Variants in STPG2 observed in about 807,000 individuals in gnomAD.
STPG2 encodes the protein sperm-tail PG-rich repeat-containing protein 2.
Under a neutral mutation model 54.2 loss-of-function variants are expected in STPG2, and 56 were observed. That is an observed-to-expected ratio of 1.03 (90% CI 0.83 to 1.29). The LOEUF is 1.29. STPG2 is among the 50% of genes most tolerant of loss of function. The pLI is 0.00. For missense variants in STPG2, 596 were observed against 544.9 expected, an observed-to-expected ratio of 1.09 and a Z score of -0.93; for synonymous variants, 200 against 181.8, an observed-to-expected ratio of 1.10 and a Z score of -0.81.
At chr4:97,593,655 C>T (rs1326398389) in intron 10 of STPG2, among the ~76,000 whole-genome samples, 1 of 152,168 alleles carries the variant, frequency 6.6e-6, no homozygotes, top group Non-Finnish European at 1.5e-5. Context: ...CCAGCCAATG[C>T]CCCTGTACCC....
At chr4:98,004,970 T>TAAAAAAA (rs70953102) in intron 5 of STPG2, among the ~76,000 whole-genome samples, 10 of 142,486 alleles carry the variant, frequency 7.0e-5, no homozygotes, top group South Asian at 4.5e-4. Context: ...TCTTTGCTGT[T>TAAAAAAA]AAAAAAAAAA....
At chr4:97,798,286 T>C (rs190526626) in intron 9 of STPG2, among the ~76,000 whole-genome samples, 6 of 152,334 alleles carry the variant, frequency 3.9e-5, no homozygotes, top group Admixed American at 3.3e-4. Context: ...GGGTGTCAAT[T>C]TTAGATCTTT....
chr4:97,736,513 G>A (rs1724999193), intron 9 of STPG2, among the ~76,000 whole-genome samples: 2 of 152,154 alleles, frequency 1.3e-5, no homozygotes, highest in South Asian at 4.1e-4. Flanking sequence ...CCCCATTACT[G>A]CGCTTTTCCA....
rs531883486 is a variant in STPG2 at position 97,500,278 on chromosome 4, C to T, written c.462+212421G>A. Among the ~76,000 whole-genome samples, 16 of 151,736 alleles carry T rather than the reference C, an allele frequency of 1.1e-4. No individual in the cohort carries two copies. The East Asian group carries it at 2.1e-3, about 20-fold the overall frequency. ...TCAAGTATGTCTGCAAAATTATACCCGGAAAATAAAAATGTAGCCATTAAT... is the reference window on the plus strand; with the variant it reads ...TCAAGTATGTCTGCAAAATTATACCTGGAAAATAAAAATGTAGCCATTAAT... On this transcript the variant is annotated intron_variant, in intron 4 of 4. Coordinates refer to the STPG2 transcript ENST00000522676.
intron 4 of STPG2, among the ~76,000 whole-genome samples, chr4:97,501,134 A>C (rs1730716599): frequency 6.6e-6 from 1 of 152,092 alleles, no homozygotes; most frequent in South Asian, 2.1e-4. Flanking sequence ...TACGTACAGG[A>C]AAGGTTCATG....
rs1724718559 is a variant in STPG2 at position 97,729,166 on chromosome 4, C to T, written c.1205-16352G>A. ...TAAAATCCTCATCCAATTTCTAAGA[C>T]TCAGGCCCTCATCTAATTTCTGTTG... On this transcript the variant is annotated intron_variant, in intron 9 of 10. Transcript: ENST00000295268. 2.7e-5 allele frequency among the ~76,000 whole-genome samples: 4 copies of T among 150,156 alleles called. No homozygotes were observed. The South Asian group carries it at 8.4e-4, about 32-fold the overall frequency.
intron 4 of STPG2, among the ~76,000 whole-genome samples, chr4:97,548,401 T>C (rs1054011255): frequency 6.6e-6 from 1 of 152,120 alleles, no homozygotes; most frequent in Non-Finnish European, 1.5e-5. Flanking sequence ...TTGCCAATTA[T>C]AGAGTCAGGT....
intron 10 of STPG2, among the ~76,000 whole-genome samples, chr4:97,680,281 T>G (rs1035056241): frequency 3.3e-5 from 5 of 151,840 alleles, no homozygotes; most frequent in African/African-American, 1.2e-4. Context: ...CTTCCATTTG[T>G]TTGTATCCTC....
rs202144818 is a variant in STPG2 at position 97,849,139 on chromosome 4, A to G, written c.1045-8207T>C. On this transcript the variant is annotated intron_variant, in intron 8 of 10. Coordinates refer to ENST00000295268, the MANE Select transcript of STPG2 (RefSeq NM_174952.3). ...GATTCTTCCTACCCATGAGCATGGA[A>G]TGTTCTTCCATTTGTTTGTATCCTC... Among the ~76,000 whole-genome samples, 40 of 149,886 alleles carry G rather than the reference A, an allele frequency of 2.7e-4. No individual in the cohort carries two copies. In the East Asian group the frequency reaches 7.3e-3, roughly 27 times the overall value.
At chr4:98,123,927 C>T (rs1739756888) in intron 3 of STPG2, among the ~76,000 whole-genome samples, 1 of 152,070 alleles carries the variant, frequency 6.6e-6, no homozygotes, top group Non-Finnish European at 1.5e-5. Context: ...GAATCCTTTG[C>T]CATTATATAA....
chr4:97,580,321 T>C (rs1349055678), intron 10 of STPG2, among the ~76,000 whole-genome samples: 1 of 151,954 alleles, frequency 6.6e-6, no homozygotes, highest in Non-Finnish European at 1.5e-5. Flanking sequence ...ATAATGATTA[T>C]ATGATATAAT....
intron 8 of STPG2, among the ~76,000 whole-genome samples, chr4:97,848,655 C>T (rs1387258037): frequency 3.3e-5 from 5 of 152,230 alleles, no homozygotes; most frequent in Admixed American, 1.3e-4. Context: ...AATCTTTAAT[C>T]CATCGTGAAT....
chr4:97,746,398 C>A (rs1401737460), intron 9 of STPG2, among the ~76,000 whole-genome samples: 1 of 151,224 alleles, frequency 6.6e-6, no homozygotes, highest in Non-Finnish European at 1.5e-5. Context: ...ACTGCCTCTG[C>A]AACATACTCA....
chr4:97,832,916 G>A (rs57012675), intron 9 of STPG2, among the ~76,000 whole-genome samples: 13,313 of 152,146 alleles, frequency 0.088, 746 homozygotes, highest in South Asian at 0.21. Flanking sequence ...AATCAGTATC[G>A]TGAAAATGAC....
At chr4:97,562,051 T>C (rs756970913) in intron 10 of STPG2, among the ~76,000 whole-genome samples, 2 of 152,206 alleles carry the variant, frequency 1.3e-5, no homozygotes, top group Admixed American at 6.5e-5. Context: ...ATTTTCATGA[T>C]ATTGATTCTT....
chr4:97,481,767 T>C lies in STPG2; in HGVS notation c.462+230932A>G, dbSNP rs145522207. Among the ~76,000 whole-genome samples, 636 of 151,686 alleles carry C rather than the reference T, an allele frequency of 4.2e-3. 3 individuals are homozygous for C. The highest frequency in any genetic ancestry group is 0.02 in the South Asian group (99 of 4,832). On this transcript the variant is annotated intron_variant, in intron 4 of 4. Coordinates refer to the STPG2 transcript ENST00000522676. ...TGTAAGCTTGTTTTATTTTTCCACA[T>C]AGACTTTTATTTTTGTCTGTGAAAA... is the stretch of plus-strand genomic sequence containing the variant.
intron 5 of STPG2, among the ~76,000 whole-genome samples, chr4:98,001,605 T>C (rs879529296): frequency 3.3e-5 from 5 of 152,108 alleles, no homozygotes; most frequent in Non-Finnish European, 4.4e-5. Context: ...AAAGTACCCA[T>C]ATAAGATTAA....
rs183954523 is a variant in STPG2, at chr4:97,585,254, G to C, written c.1321-26137C>G. Reference sequence around the variant, plus strand: ...ATAAATGTGATACATCACATGAACAGAATTAAAAACAAAAATCATAAATGC... The same window carrying C: ...ATAAATGTGATACATCACATGAACACAATTAAAAACAAAAATCATAAATGC... On this transcript the variant is annotated intron_variant, in intron 10 of 10. Transcript: ENST00000295268. 3.3e-3 allele frequency among the ~76,000 whole-genome samples: 499 copies of C among 151,938 alleles called. 3 individuals carry two copies. Among genetic ancestry groups the C allele is most frequent in the African/African-American group, 0.011 (472 of 41,448 alleles).
Position 97,558,917 on chromosome 4 carries a change from C to T in STPG2, c.*141G>A, listed in dbSNP as rs1206768806. On this transcript the variant is annotated 3_prime_UTR_variant, in exon 11 of 11. Coordinates refer to ENST00000295268, the MANE Select transcript of STPG2 (RefSeq NM_174952.3). ...TTTCTCCGTGGTTGTGTCATATAGT[C>T]ACTAAAGCCTGAGCGAATGCCTGAA... The T allele has an allele frequency of 2.9e-6, 2 of 687,020 alleles. No individual in the cohort carries two copies. Among genetic ancestry groups the T allele is most frequent in the Non-Finnish European group, 5.1e-6 (2 of 393,106 alleles). 42.6% of individuals were successfully genotyped at this position (687,020 alleles called of 1,614,324 possible).
Sources: allele counts gnomAD v4.1 joint callset (sites outside exome capture counted in the v4.1 genomes callset), GRCh38; gene constraint gnomAD v4.1.1; transcripts MANE v1.5; gene names NCBI Gene and HGNC (gene_info 2026-07-23, HGNC 2026-07-21).